The following KLRB1 variants were observed in gnomAD, a reference collection of about 807,000 sequenced individuals.
KLRB1 encodes the protein killer cell lectin-like receptor subfamily B member 1.
In KLRB1, 27 loss-of-function variants were observed where a neutral mutation model predicts 33.5. The ratio of observed to expected loss-of-function variants is 0.81; its 90% CI spans 0.59 to 1.11. The LOEUF (loss-of-function observed/expected upper bound fraction) is 1.11, where lower values mean the gene tolerates loss of function less well. Among genes scored for constraint, KLRB1 ranks in the 50% most tolerant of loss-of-function variants. The pLI is 0.00. For missense variants in KLRB1, 241 were observed against 254.1 expected, an observed-to-expected ratio of 0.95 and a Z score of 0.35; for synonymous variants, 64 against 88.9, an observed-to-expected ratio of 0.72 and a Z score of 1.58.
intron 5 of KLRB1, 50 bp from the exon 6 acceptor site, chr12:9,595,471 C>G (rs376964893): frequency 6.4e-7 from 1 of 1,552,446 alleles, no homozygotes; most frequent in East Asian, 2.2e-5. Flanking sequence ...TTTCTCAGAG[C>G]TATTCTCACT....
chr12:9,599,980 T>TAA (rs55659351), intron 2 of KLRB1, 139 bp from the exon 3 acceptor site: 7 of 446,892 alleles, frequency 1.6e-5, no homozygotes, highest in African/African-American at 8.9e-5. Flanking sequence ...AGCGAAGTGG[T>TAA]AAAAAAAAAA....
chr12:9,595,529 A>G (rs909628726), intron 5 of KLRB1, 108 bp from the exon 6 acceptor site: 16 of 1,021,214 alleles, frequency 1.6e-5, no homozygotes, highest in Non-Finnish European at 2.1e-5. Flanking sequence ...ATGATAAACT[A>G]TTAAACAAAG....
chr12:9,599,357 C>T (rs1864519365), intron 3 of KLRB1, among the ~76,000 whole-genome samples: 1 of 152,164 alleles, frequency 6.6e-6, no homozygotes, highest in Non-Finnish European at 1.5e-5. Context: ...AATGTGGCTG[C>T]ATGGTGAGGA....
chr12:9,598,298 ATTTC>A (rs1864509788), intron 4 of KLRB1, 137 bp from the exon 5 acceptor site: 2 of 733,070 alleles, frequency 2.7e-6, no homozygotes, highest in South Asian at 1.7e-5. Flanking sequence ...TCTTTGTGAT[ATTTC>A]TGTCTATGTT....
intron 1 of KLRB1, among the ~76,000 whole-genome samples, chr12:9,603,650 G>A (rs1864569232): frequency 6.6e-6 from 1 of 150,450 alleles, no homozygotes; most frequent in African/African-American, 2.4e-5. Context: ...TGGTCAGGCT[G>A]GTCTCGAACT....
In KLRB1 at chr12:9,598,507, C is replaced by A. The variant is rs775171276; in HGVS notation, c.406G>T (p.Asp136Tyr). The A allele has an allele frequency of 1.2e-6, 2 of 1,609,156 alleles. No individual in the cohort carries two copies. Among genetic ancestry groups the A allele is most frequent in the African/African-American group, 2.7e-5 (2 of 74,646 alleles). The stretch of plus-strand genomic sequence containing the variant: ...TTTATTTAATGATTTACCAATTCAT[C>A]CTTATCTCGAATAAGCAGCAGGCTG... Reference protein sequence around the residue: ...ESSLLLIRDKDELIHTQNLIR... With the variant: ...ESSLLLIRDKYELIHTQNLIR... Residue 136 changes from aspartate (D) to tyrosine (Y), a missense_variant, in exon 4 of 6, where the codon GAT becomes TAT. Transcript: ENST00000229402.
At chr12:9,601,750 C>T in intron 1 of KLRB1, 151 bp from the exon 2 acceptor site, 1 of 602,312 alleles carries the variant, frequency 1.7e-6, no homozygotes, top group Non-Finnish European at 3.0e-6. Flanking sequence ...CAGGGAACAA[C>T]CTCTATCCAT....
Position 9,595,294 on chromosome 12 carries a change from T to C in KLRB1, c.658A>G (p.Lys220Glu). ...CATAGTCAAGAGTCAGGATACACTT[T>C]ATTTCTCACAGGTGTTAGTTCTTTT... ...CQKELTPVRN[K>E]VYPDS Residue 220 changes from lysine (K) to glutamate (E), a missense_variant, in exon 6 of 6, where the codon AAA (lysine) becomes GAA (glutamate). Lys to Glu is a moderately conservative substitution (Grantham distance 56). Transcript: ENST00000229402. The C allele has an allele frequency of 6.2e-7, 1 of 1,613,392 alleles. No homozygotes were observed. The highest frequency in any genetic ancestry group is 8.5e-7 in the Non-Finnish European group (1 of 1,179,494).
chr12:9,606,754 A>ATTTTTTTTTTTTTTTTTTT (rs1414913660), intron 1 of KLRB1, among the ~76,000 whole-genome samples: 1 of 25,420 alleles, frequency 3.9e-5, no homozygotes, highest in Non-Finnish European at 7.4e-5. Flanking sequence ...ATATATATAT[A>ATTTTTTTTTTTTTTTTTTT]TATATATTTT....
At chr12:9,602,121 G>A (rs1392689535) in intron 1 of KLRB1, among the ~76,000 whole-genome samples, 1 of 152,124 alleles carries the variant, frequency 6.6e-6, no homozygotes, top group African/African-American at 2.4e-5. Flanking sequence ...TCATCTCCAA[G>A]TTGGGTCTAA....
Position 9,597,338 on chromosome 12 carries a change from C to T in KLRB1, c.530+708G>A, listed in dbSNP as rs911743065. 5.9e-5 allele frequency among the ~76,000 whole-genome samples: 9 copies of T among 152,222 alleles called. No individual in the cohort carries two copies. In the East Asian group the frequency reaches 9.6e-4, roughly 16 times the overall value. ...ATGTGGTTGAAGGCCTATACATTTT[C>T]GCTTGTGAGGGAAGAAAACACCCTG... On this transcript the variant is annotated intron_variant, in intron 5 of 5. Coordinates refer to ENST00000229402, the MANE Select transcript of KLRB1 (RefSeq NM_002258.3).
At chr12:9,605,018 GT>G (rs1165595614) in intron 1 of KLRB1, among the ~76,000 whole-genome samples, 1 of 152,028 alleles carries the variant, frequency 6.6e-6, no homozygotes, top group East Asian at 1.9e-4. Context: ...GCCCTGGTGT[GT>G]GATGTTCCCT....
chr12:9,597,248 G>C (rs1305638587), intron 5 of KLRB1, among the ~76,000 whole-genome samples: 1 of 152,026 alleles, frequency 6.6e-6, no homozygotes, highest in Non-Finnish European at 1.5e-5. Flanking sequence ...ATCATTTACA[G>C]ACTCATTAAA....
intron 1 of KLRB1, among the ~76,000 whole-genome samples, chr12:9,606,742 A>AT (rs1864607377): frequency 1.3e-4 from 3 of 22,842 alleles, no homozygotes; most frequent in African/African-American, 4.0e-4. Context: ...AAGTATATAT[A>AT]TATATATATA....
rs1864512223 is a variant in KLRB1, at chr12:9,598,509, T to C, written c.404A>G (p.Lys135Arg). Residue 135 changes from lysine (K) to arginine (R), a missense_variant, in exon 4 of 6, where the codon AAG becomes AGG. Coordinates refer to ENST00000229402, the MANE Select transcript of KLRB1 (RefSeq NM_002258.3). Reference sequence around the variant, plus strand: ...TATTTAATGATTTACCAATTCATCCTTATCTCGAATAAGCAGCAGGCTGGA... The same window carrying C: ...TATTTAATGATTTACCAATTCATCCCTATCTCGAATAAGCAGCAGGCTGGA... ...KESSLLLIRD[K>R]DELIHTQNLI... is the part of the protein sequence containing the mutation. 3 of 1,609,584 alleles carry C rather than the reference T, an allele frequency of 1.9e-6. No homozygotes were observed. The Admixed American group carries it at 5.1e-5, about 27-fold the overall frequency.
intron 5 of KLRB1, among the ~76,000 whole-genome samples, chr12:9,596,798 T>A (rs918544387): frequency 3.9e-5 from 6 of 152,082 alleles, no homozygotes; most frequent in African/African-American, 1.4e-4. Flanking sequence ...CAAACTATAC[T>A]TAATAAATGC....
chr12:9,604,070 G>A (rs986908320), intron 1 of KLRB1, among the ~76,000 whole-genome samples: 8 of 151,018 alleles, frequency 5.3e-5, no homozygotes, highest in South Asian at 2.1e-4. Context: ...TTTAAAAATC[G>A]TTATTCATTC....
intron 1 of KLRB1, among the ~76,000 whole-genome samples, chr12:9,601,856 G>C (rs750755022): frequency 2.0e-4 from 31 of 152,308 alleles, no homozygotes; most frequent in Non-Finnish European, 3.2e-4. Context: ...TGTATACAAA[G>C]GATTGGTGTA....
chr12:9,606,202 G>T (rs78683964), intron 1 of KLRB1, among the ~76,000 whole-genome samples: 1 of 152,184 alleles, frequency 6.6e-6, no homozygotes, highest in East Asian at 1.9e-4. Flanking sequence ...CAAATGCTTG[G>T]CATGACATGG....
Sources: gnomAD v4.1 joint callset for allele counts (sites outside exome capture counted in the v4.1 genomes callset) on GRCh38, gnomAD v4.1.1 for gene constraint, MANE v1.5 for transcripts, NCBI Gene and HGNC (gene_info 2026-07-23, HGNC 2026-07-21) for gene names.